The following AGPS variants were observed in gnomAD, a reference collection of about 807,000 sequenced individuals.
AGPS encodes the protein alkyldihydroxyacetonephosphate synthase, peroxisomal.
Under a neutral mutation model 90.7 loss-of-function variants are expected in AGPS, and 26 were observed. That is an observed-to-expected ratio of 0.29 (90% confidence interval 0.21 to 0.40). The LOEUF (loss-of-function observed/expected upper bound fraction) is 0.40. AGPS is among the 10% of genes least tolerant of loss of function. The probability of loss-of-function intolerance (pLI) is 1.00; values close to 1 mark genes in which losing one functional copy is unlikely to be tolerated. For missense variants in AGPS, 540 were observed against 816.1 expected, an observed-to-expected ratio of 0.66 and a Z score of 4.12; for synonymous variants, 294 against 285.3, an observed-to-expected ratio of 1.03 and a Z score of -0.31.
intron 1 of AGPS, among the ~76,000 whole-genome samples, chr2:177,409,500 G>A (rs563817904): frequency 3.3e-4 from 50 of 152,138 alleles, no homozygotes; most frequent in African/African-American, 1.2e-3. Context: ...GTTTAAAGGT[G>A]GGTGCGGTCA....
intron 14 of AGPS, among the ~76,000 whole-genome samples, chr2:177,504,729 T>C (rs965939352): frequency 1.3e-5 from 2 of 152,118 alleles, no homozygotes; most frequent in Non-Finnish European, 2.9e-5. Context: ...ATTTTTCCTT[T>C]AGTTGACTAA....
intron 1 of AGPS, among the ~76,000 whole-genome samples, chr2:177,413,720 C>T (rs1330144994): frequency 6.6e-6 from 1 of 152,178 alleles, no homozygotes; most frequent in East Asian, 1.9e-4. Flanking sequence ...AGATCAACAC[C>T]TGAGGGTAAA....
At chr2:177,430,774 T>C (rs1226559820) in intron 2 of AGPS, among the ~76,000 whole-genome samples, 1 of 152,170 alleles carries the variant, frequency 6.6e-6, no homozygotes, top group Non-Finnish European at 1.5e-5. Context: ...CAGCTGCGGA[T>C]CACAGCTGCT....
chr2:177,408,441 G>A (rs748002642), intron 1 of AGPS, among the ~76,000 whole-genome samples: 6 of 152,082 alleles, frequency 3.9e-5, no homozygotes, highest in South Asian at 2.1e-4. Flanking sequence ...TTTCCATAGC[G>A]GATCAAACTT....
intron 2 of AGPS, among the ~76,000 whole-genome samples, chr2:177,423,361 T>C (rs1475245003): frequency 6.6e-6 from 1 of 152,222 alleles, no homozygotes; most frequent in Non-Finnish European, 1.5e-5. Context: ...TTCACTCTTA[T>C]TTATTAATAA....
chr2:177,478,589 A>G (rs1687855525), intron 10 of AGPS, among the ~76,000 whole-genome samples: 2 of 152,054 alleles, frequency 1.3e-5, no homozygotes, highest in Non-Finnish European at 2.9e-5. Context: ...CAAGTTTCAT[A>G]TTCATTCTTT....
At chr2:177,439,081 C>T (rs1354157330) in intron 5 of AGPS, among the ~76,000 whole-genome samples, 2 of 152,026 alleles carry the variant, frequency 1.3e-5, no homozygotes, top group Admixed American at 1.3e-4. Context: ...TAATAGGATG[C>T]TTAGGGCTTA....
chr2:177,451,648 G>A (rs745384612), intron 8 of AGPS, among the ~76,000 whole-genome samples: 1 of 152,060 alleles, frequency 6.6e-6, no homozygotes, highest in South Asian at 2.1e-4. Context: ...AACTATAGGT[G>A]TTTTTTGTAG....
chr2:177,393,374 T>G (rs1047250870), intron 1 of AGPS: 1 of 985,290 alleles, frequency 1.0e-6, no homozygotes, highest in African/African-American at 1.7e-5. Flanking sequence ...TTAATACTTT[T>G]GGTGCTGAGG....
At chr2:177,450,167 T>A (rs957957760) in intron 8 of AGPS, among the ~76,000 whole-genome samples, 2 of 152,230 alleles carry the variant, frequency 1.3e-5, no homozygotes, top group Admixed American at 1.3e-4. Flanking sequence ...TGGGTTGTTT[T>A]CTTATTATTG....
intron 8 of AGPS, among the ~76,000 whole-genome samples, chr2:177,453,087 T>G (rs1385265796): frequency 6.6e-6 from 1 of 152,016 alleles, no homozygotes; most frequent in Non-Finnish European, 1.5e-5. Context: ...GAAGAAGTCT[T>G]TATTTCACCT....
intron 11 of AGPS, among the ~76,000 whole-genome samples, chr2:177,484,953 A>T (rs969951407): frequency 3.9e-5 from 6 of 152,138 alleles, no homozygotes; most frequent in African/African-American, 1.4e-4. Context: ...ACTTTTGTAG[A>T]GATGGGATCT....
chr2:177,430,107 A>G (rs1275493241), intron 2 of AGPS, among the ~76,000 whole-genome samples: 4 of 152,194 alleles, frequency 2.6e-5, no homozygotes, highest in Non-Finnish European at 4.4e-5. Context: ...ATTGTGTGGG[A>G]TTCCTTCTCA....
intron 19 of AGPS, among the ~76,000 whole-genome samples, chr2:177,531,595 G>C (rs531906863): frequency 8.5e-5 from 13 of 152,096 alleles, no homozygotes; most frequent in African/African-American, 3.1e-4. Flanking sequence ...TCTGTTTAGT[G>C]CATTTTCTGC....
At chr2:177,523,877 G>T in intron 19 of AGPS, 72 bp downstream of exon 19, 2 of 1,254,308 alleles carry the variant, frequency 1.6e-6, no homozygotes, top group Non-Finnish European at 1.2e-6. Flanking sequence ...AAATGCTAGG[G>T]AGAGACATGG....
chr2:177,435,010 T>TATAC, intron 3 of AGPS, among the ~76,000 whole-genome samples: 1 of 146,276 alleles, frequency 6.8e-6, no homozygotes, highest in Non-Finnish European at 1.5e-5. Context: ...TATATATATA[T>TATAC]ATATATATAT....
intron 8 of AGPS, among the ~76,000 whole-genome samples, chr2:177,450,144 C>T (rs1298067945): frequency 6.6e-6 from 1 of 152,100 alleles, no homozygotes; most frequent in Non-Finnish European, 1.5e-5. Context: ...GCCTATTTGC[C>T]CAATTTTAAG....
In AGPS at chr2:177,442,432, G is replaced by A. The variant is rs952911907; in HGVS notation, c.735G>A (p.Leu245=). Residue 245 remains leucine (L), a synonymous_variant, in exon 7 of 20, where the codon CTG becomes CTA. Coordinates refer to ENST00000264167, the MANE Select transcript of AGPS (RefSeq NM_003659.4). ...GAGGAACAAGTGTTTCATATGGCCT[G>A]ATGTGTCCTGCAGATGAGACAAGAA... ...IGGGTSVSYG[L]MCPADETRTI... The A allele has an allele frequency of 6.2e-7, 1 of 1,613,826 alleles. No homozygotes were observed. Among genetic ancestry groups the A allele is most frequent in the Admixed American group, 1.7e-5 (1 of 60,016 alleles).
intron 10 of AGPS, among the ~76,000 whole-genome samples, chr2:177,474,471 G>C (rs984890072): frequency 4.9e-4 from 74 of 152,322 alleles, no homozygotes; most frequent in African/African-American, 1.6e-3. Context: ...TCTTCCCCCT[G>C]CACAAGACAC....
Sources: gnomAD v4.1 joint callset for allele counts (sites outside exome capture counted in the v4.1 genomes callset) on GRCh38, gnomAD v4.1.1 for gene constraint, MANE v1.5 for transcripts, NCBI Gene and HGNC (gene_info 2026-07-23, HGNC 2026-07-21) for gene names.